Variants in MNS1 observed in about 807,000 individuals in gnomAD.
MNS1 encodes meiosis specific nuclear structural 1, also known as meiosis-specific nuclear structural protein 1.
Under a neutral mutation model 72.0 loss-of-function variants are expected in MNS1, and 63 were observed. That is an observed-to-expected ratio of 0.87 (90% CI 0.71 to 1.08). The LOEUF is 1.08. Among genes scored for constraint, MNS1 ranks in the 50% least tolerant of loss-of-function variants. The pLI is 0.00. For synonymous variants in MNS1, 188 were observed against 172.1 expected (o/e 1.09, Z -0.72); for missense variants, 604 against 562.4 (o/e 1.07, Z -0.75).
At chr15:56,448,933 T>G (rs2050928065) in intron 3 of MNS1, among the ~76,000 whole-genome samples, 1 of 151,996 alleles carries the variant, frequency 6.6e-6, no homozygotes, top group Non-Finnish European at 1.5e-5. Context: ...TTTTGTATTT[T>G]GAGTACAGAT....
intron 4 of MNS1, among the ~76,000 whole-genome samples, chr15:56,446,556 T>A (rs930425548): frequency 2.3e-4 from 35 of 151,950 alleles, no homozygotes; most frequent in African/African-American, 8.4e-4. Context: ...TAACAATTTG[T>A]ACTGTACTAC....
intron 2 of MNS1, among the ~76,000 whole-genome samples, chr15:56,458,702 C>T (rs950982146): frequency 6.6e-6 from 1 of 152,102 alleles, no homozygotes; most frequent in Non-Finnish European, 1.5e-5. Flanking sequence ...CGGAATTATA[C>T]AGAATGGAGC....
At chr15:56,437,456 G>C (rs1259716720) in intron 7 of MNS1, among the ~76,000 whole-genome samples, 1 of 152,038 alleles carries the variant, frequency 6.6e-6, no homozygotes, top group African/African-American at 2.4e-5. Context: ...GGTGTTGATG[G>C]GACATATCTC....
chr15:56,455,247 G>GAAAA (rs56339584), intron 3 of MNS1, among the ~76,000 whole-genome samples: 7 of 82,904 alleles, frequency 8.4e-5, no homozygotes, highest in East Asian at 3.6e-4. Flanking sequence ...ATCGTCAGGT[G>GAAAA]AAAAAAAAAA....
At position 56,444,594 on chromosome 15, in the gene MNS1, T is replaced by G; in HGVS notation, c.536A>C (p.Lys179Thr). 1 of 1,613,450 alleles carries G rather than the reference T, an allele frequency of 6.2e-7. No individual in the cohort carries two copies. Among genetic ancestry groups the G allele is most frequent in the South Asian group, 1.1e-5 (1 of 91,062 alleles). ...GTACTGTGCTTTCGCTTTGTTTCGTTTGTCTTCTGCAGCATTCTCTTCCTT... is the reference window on the plus strand; with the variant it reads ...GTACTGTGCTTTCGCTTTGTTTCGTGTGTCTTCTGCAGCATTCTCTTCCTT... ...IIKEENAAED[K>T]RNKAKAQYYL... The change falls in exon 5 of 10, where the codon AAA becomes ACA. Residue 179 changes from lysine (K) to threonine (T), a missense_variant. Lys to Thr is a moderately conservative substitution (Grantham distance 78, BLOSUM62 -1). Coordinates refer to ENST00000260453, the MANE Select transcript of MNS1 (RefSeq NM_018365.4).
intron 7 of MNS1, among the ~76,000 whole-genome samples, chr15:56,438,608 CA>C (rs1160038250): frequency 3.6e-4 from 55 of 152,124 alleles, no homozygotes; most frequent in African/African-American, 1.1e-3. Flanking sequence ...TCTAAAACAC[CA>C]AAAGCAATGG....
intron 2 of MNS1, 21 bp from the exon 3 acceptor site, chr15:56,456,542 C>G: frequency 1.2e-6 from 2 of 1,603,756 alleles, no homozygotes; most frequent in Non-Finnish European, 1.7e-6. Flanking sequence ...AATTTAACTT[C>G]GTTGTTTGTC....
At chr15:56,460,217 TTTAA>T (rs1341148208) in intron 2 of MNS1, among the ~76,000 whole-genome samples, 1 of 151,242 alleles carries the variant, frequency 6.6e-6, no homozygotes, top group African/African-American at 2.4e-5. Context: ...ATTATAGCAA[TTTAA>T]TTAGTTGCAT....
chr15:56,441,820 C>T (rs1436074677), intron 7 of MNS1, among the ~76,000 whole-genome samples: 1 of 152,062 alleles, frequency 6.6e-6, no homozygotes, highest in Non-Finnish European at 1.5e-5. Flanking sequence ...CGAGACCATC[C>T]TGGCTAACAC....
chr15:56,444,580 T>C lies in MNS1; in HGVS notation c.550A>G (p.Lys184Glu), dbSNP rs1188767009. 30 of 1,613,242 alleles carry C rather than the reference T, an allele frequency of 1.9e-5. No individual in the cohort carries two copies. Among genetic ancestry groups the C allele is most frequent in the East Asian group, 6.7e-5 (3 of 44,830 alleles). The change falls in exon 5 of 10, where the codon AAA becomes GAA. Residue 184 changes from lysine to glutamate, a missense_variant. Coordinates refer to ENST00000260453, the MANE Select transcript of MNS1 (RefSeq NM_018365.4). ...TCTAAGTCAAGATAGTACTGTGCTTTCGCTTTGTTTCGTTTGTCTTCTGCA... is the reference window on the plus strand; with the variant it reads ...TCTAAGTCAAGATAGTACTGTGCTTCCGCTTTGTTTCGTTTGTCTTCTGCA... The part of the protein sequence containing the change: ...NAAEDKRNKA[K>E]AQYYLDLEKQ...
intron 8 of MNS1, 51 bp from the exon 9 acceptor site, chr15:56,431,549 G>C: frequency 6.3e-7 from 1 of 1,594,144 alleles, no homozygotes; most frequent in Non-Finnish European, 8.6e-7. Flanking sequence ...AATCTTATAC[G>C]AAGTTTTCAA....
chr15:56,450,823 G>C (rs918309871), intron 3 of MNS1, among the ~76,000 whole-genome samples: 4 of 152,062 alleles, frequency 2.6e-5, no homozygotes, highest in Non-Finnish European at 4.4e-5. Flanking sequence ...TTTTCCCATA[G>C]CACCTGCATC....
intron 2 of MNS1, among the ~76,000 whole-genome samples, chr15:56,461,235 G>A (rs1333244783): frequency 1.3e-5 from 2 of 152,014 alleles, no homozygotes. Flanking sequence ...GAAACACCGA[G>A]AATGATGTTT....
chr15:56,454,316 G>T (rs1377012732), intron 3 of MNS1, among the ~76,000 whole-genome samples: 1 of 151,932 alleles, frequency 6.6e-6, no homozygotes, highest in African/African-American at 2.4e-5. Context: ...TGGAAAATGG[G>T]GTATCCATCC....
In MNS1 at chr15:56,441,068, T is replaced by C. The variant is rs571156685; in HGVS notation, c.1011+2362A>G. 1.4e-3 allele frequency among the ~76,000 whole-genome samples: 219 copies of C among 152,254 alleles called. 1 individual carries two copies. Among genetic ancestry groups the C allele is most frequent in the African/African-American group, 4.9e-3 (204 of 41,558 alleles). ...CACTGCATTAACTGCACGTCACATATTTTGGAATGCTGTTTTTTGAATCAT... is the reference window on the plus strand; with the variant it reads ...CACTGCATTAACTGCACGTCACATACTTTGGAATGCTGTTTTTTGAATCAT... On this transcript the variant is annotated intron_variant, in intron 7 of 9. Coordinates refer to ENST00000260453, the MANE Select transcript of MNS1 (RefSeq NM_018365.4).
intron 2 of MNS1, among the ~76,000 whole-genome samples, chr15:56,463,383 T>C (rs564667024): frequency 5.5e-4 from 84 of 152,338 alleles, no homozygotes; most frequent in Non-Finnish European, 9.3e-4. Flanking sequence ...GAGTGCTTAT[T>C]CTGTACCAGG....
Position 56,464,062 on chromosome 15 carries a change from T to C in MNS1, c.189A>G (p.Glu63=), listed in dbSNP as rs775145314. Residue 63 remains glutamate (E), a synonymous_variant, in exon 2 of 10, where the codon GAA becomes GAG. Coordinates refer to ENST00000260453, the MANE Select transcript of MNS1 (RefSeq NM_018365.4). ...CCTCTTCCATATCCAACTCAAATTG[T>C]TCATTTTGTAATAATCTGAGAAATT... is the stretch of plus-strand genomic sequence containing the variant. The part of the protein sequence containing the change: ...RKQFLRLLQN[E]QFELDMEEAI... The C allele has an allele frequency of 1.2e-6, 2 of 1,613,734 alleles. No individual in the cohort carries two copies. The highest frequency in any genetic ancestry group is 2.2e-5 in the East Asian group (1 of 44,854).
chr15:56,465,080 G>T lies in MNS1; in HGVS notation c.-108C>A. 1 of 1,479,022 alleles carries T rather than the reference G, an allele frequency of 6.8e-7. No individual in the cohort carries two copies. Among genetic ancestry groups the T allele is most frequent in the South Asian group, 1.2e-5 (1 of 81,324 alleles). The allele number at this position is 1,479,022 out of a possible 1,614,324, so 91.6% of individuals were successfully genotyped here. ...AGCGCACCTGGCTGCGCGCGCTCGG[G>T]TGTTTACGCGGCGTCTTGGCAACGG... On this transcript the variant is annotated 5_prime_UTR_variant, in exon 1 of 10. Coordinates refer to ENST00000260453, the MANE Select transcript of MNS1 (RefSeq NM_018365.4).
intron 7 of MNS1, among the ~76,000 whole-genome samples, chr15:56,441,661 C>G (rs2050816053): frequency 6.6e-6 from 1 of 152,140 alleles, no homozygotes; most frequent in Non-Finnish European, 1.5e-5. Flanking sequence ...AACTATGCAT[C>G]TGACAAAGGT....
Sources: gnomAD v4.1 joint callset for allele counts (sites outside exome capture counted in the v4.1 genomes callset) on GRCh38, gnomAD v4.1.1 for gene constraint, MANE v1.5 for transcripts, NCBI Gene and HGNC (gene_info 2026-07-23, HGNC 2026-07-21) for gene names.